Variants in NTM observed in about 807,000 individuals in gnomAD.
The protein encoded by NTM is IgLON family member 2.
In NTM, 13 loss-of-function variants were observed where a neutral mutation model predicts 42.1. That is an observed-to-expected ratio of 0.31 (90% CI 0.20 to 0.49). The LOEUF (loss-of-function observed/expected upper bound fraction) is 0.49, where lower values mean the gene tolerates loss of function less well. Ranked by LOEUF, NTM falls within the 20% of genes least tolerant of loss-of-function variation. The probability of loss-of-function intolerance (pLI) is 0.99; values close to 1 mark genes in which losing one functional copy is unlikely to be tolerated. For synonymous variants in NTM, 187 were observed against 179.2 expected, an observed-to-expected ratio of 1.04 and a Z score of -0.35; for missense variants, 373 against 452.8, an observed-to-expected ratio of 0.82 and a Z score of 1.60.
At chr11:132,327,977 T>G (rs1488552636) in intron 7 of NTM, among the ~76,000 whole-genome samples, 1 of 152,192 alleles carries the variant, frequency 6.6e-6, no homozygotes, top group East Asian at 1.9e-4. Flanking sequence ...CTTGACAAGC[T>G]TGAATTTTCA....
At chr11:131,897,598 G>C (rs1253845534) in intron 1 of NTM, among the ~76,000 whole-genome samples, 1 of 152,144 alleles carries the variant, frequency 6.6e-6, no homozygotes, top group Non-Finnish European at 1.5e-5. Flanking sequence ...ACTCAGCATG[G>C]GAAATTATAA....
intron 2 of NTM, among the ~76,000 whole-genome samples, chr11:131,931,629 A>C (rs77016601): frequency 0.016 from 2,447 of 152,124 alleles, 62 homozygotes; most frequent in African/African-American, 0.054. Context: ...AATAAGACAC[A>C]GTTCCTGTCT....
At chr11:131,398,024 G>C (rs188274150) in intron 1 of NTM, among the ~76,000 whole-genome samples, 1 of 152,252 alleles carries the variant, frequency 6.6e-6, no homozygotes, top group East Asian at 1.9e-4. Context: ...GAATATTCTG[G>C]CCAAAAAGAG....
At chr11:131,831,258 C>G (rs2042783507) in intron 1 of NTM, among the ~76,000 whole-genome samples, 1 of 152,056 alleles carries the variant, frequency 6.6e-6, no homozygotes, top group African/African-American at 2.4e-5. Flanking sequence ...CTTTTCAGGT[C>G]TACATCTATA....
intron 1 of NTM, among the ~76,000 whole-genome samples, chr11:131,461,411 AAATT>A (rs1340356019): frequency 6.6e-6 from 1 of 152,240 alleles, no homozygotes; most frequent in Non-Finnish European, 1.5e-5. Flanking sequence ...GGTGAAAAGA[AAATT>A]AAAAGACAGC....
chr11:132,227,014 T>C lies in NTM; in HGVS notation c.526+14867T>C, dbSNP rs536504531. On this transcript the variant is annotated intron_variant, in intron 4 of 8. Transcript: ENST00000683400. ...AAAATGTTGAGTAGATAGTTGACTATGCCAGGGAGCTAGAAAAATGCATAT... is the reference window on the plus strand; with the variant it reads ...AAAATGTTGAGTAGATAGTTGACTACGCCAGGGAGCTAGAAAAATGCATAT... Among the ~76,000 whole-genome samples the C allele has an allele frequency of 2.0e-5, 3 of 152,330 alleles. No homozygotes were observed. The East Asian group carries it at 5.8e-4, about 29-fold the overall frequency.
intron 1 of NTM, among the ~76,000 whole-genome samples, chr11:131,374,615 G>A (rs1435091520): frequency 1.3e-5 from 2 of 152,158 alleles, no homozygotes; most frequent in Non-Finnish European, 2.9e-5. Flanking sequence ...TGCCTGAGGT[G>A]ATAGGGTCTA....
chr11:131,597,625 A>G (rs747255245), intron 1 of NTM, among the ~76,000 whole-genome samples: 8 of 152,194 alleles, frequency 5.3e-5, no homozygotes, highest in Non-Finnish European at 1.0e-4. Flanking sequence ...CTTTGAGGGC[A>G]ATGGTCCTGT....
At chr11:132,025,254 G>A (rs1415447888) in intron 2 of NTM, among the ~76,000 whole-genome samples, 2 of 152,318 alleles carry the variant, frequency 1.3e-5, no homozygotes, top group East Asian at 1.9e-4. Context: ...AGGGAAATTG[G>A]AGAAAGAGGT....
intron 1 of NTM, among the ~76,000 whole-genome samples, chr11:131,579,157 GGGTCACAT>G (rs1404499806): frequency 1.3e-5 from 2 of 152,134 alleles, no homozygotes; most frequent in Non-Finnish European, 2.9e-5. Flanking sequence ...GACTGCTGTA[GGGTCACAT>G]GGACCCTGCT....
intron 1 of NTM, among the ~76,000 whole-genome samples, chr11:131,588,474 A>G (rs1284341540): frequency 6.6e-6 from 1 of 152,236 alleles, no homozygotes; most frequent in Non-Finnish European, 1.5e-5. Flanking sequence ...CATGGTTATG[A>G]AGCAAATTTG....
intron 1 of NTM, among the ~76,000 whole-genome samples, chr11:131,656,778 G>T (rs2067240093): frequency 6.6e-6 from 1 of 152,088 alleles, no homozygotes; most frequent in African/African-American, 2.4e-5. Flanking sequence ...CTTCAGAGAG[G>T]GTGTTTGAGA....
At chr11:131,382,539 C>T (rs887015337) in intron 1 of NTM, among the ~76,000 whole-genome samples, 1 of 152,112 alleles carries the variant, frequency 6.6e-6, no homozygotes, top group African/African-American at 2.4e-5. Flanking sequence ...TTCCTTGCAG[C>T]TGAATACAAT....
intron 7 of NTM, among the ~76,000 whole-genome samples, chr11:132,321,800 G>C (rs1488656941): frequency 6.7e-6 from 1 of 149,814 alleles, no homozygotes; most frequent in African/African-American, 2.5e-5. Context: ...TACCCTCAAA[G>C]GGAAGCCCAT....
chr11:131,933,233 G>T (rs902918391), intron 2 of NTM, among the ~76,000 whole-genome samples: 6 of 152,210 alleles, frequency 3.9e-5, no homozygotes, highest in African/African-American at 1.4e-4. Context: ...GTCAGGGAGT[G>T]CGTGGGGCCC....
chr11:131,883,853 G>A (rs922072726), intron 1 of NTM, among the ~76,000 whole-genome samples: 2 of 152,108 alleles, frequency 1.3e-5, no homozygotes, highest in African/African-American at 2.4e-5. Context: ...ATCTTTGTAC[G>A]TGGACAAGCC....
intron 7 of NTM, among the ~76,000 whole-genome samples, chr11:132,315,938 C>A (rs549381533): frequency 1.4e-5 from 2 of 143,952 alleles, no homozygotes; most frequent in African/African-American, 5.9e-5. Context: ...TTTTTCATGC[C>A]TTTTTGCCTT....
intron 2 of NTM, among the ~76,000 whole-genome samples, chr11:132,004,605 T>TTCTCTCTCTCTCTCTCTCTC (rs71480226): frequency 9.0e-5 from 13 of 144,046 alleles, no homozygotes; most frequent in Non-Finnish European, 9.1e-5. Context: ...CTTTCTCTCT[T>TTCTCTCTCTCTCTCTCTCTC]TCTCTCTCTC....
At chr11:131,375,888 A>C (rs189569076) in intron 1 of NTM, among the ~76,000 whole-genome samples, 7 of 152,244 alleles carry the variant, frequency 4.6e-5, no homozygotes, top group Admixed American at 4.6e-4. Flanking sequence ...ATAGGACTGC[A>C]TCCATTTTCC....
Sources: allele counts gnomAD v4.1 joint callset (sites outside exome capture counted in the v4.1 genomes callset), GRCh38; gene constraint gnomAD v4.1.1; transcripts MANE v1.5; gene names NCBI Gene and HGNC (gene_info 2026-07-23, HGNC 2026-07-21).